CD200R1: variants seen among roughly 807,000 people sequenced by gnomAD.
CD200R1 encodes CD200 receptor 1.
Under a neutral mutation model 38.1 loss-of-function variants are expected in CD200R1, and 30 were observed. The ratio of observed to expected loss-of-function variants is 0.79; its 90% CI spans 0.59 to 1.07. The LOEUF (loss-of-function observed/expected upper bound fraction) is 1.07. Ranked by LOEUF, CD200R1 falls within the 50% of genes least tolerant of loss-of-function variation. The probability of loss-of-function intolerance (pLI) is 0.00; values close to 1 mark genes in which losing one functional copy is unlikely to be tolerated. For missense variants in CD200R1, 372 were observed against 415.4 expected, an observed-to-expected ratio of 0.90 and a Z score of 0.91; for synonymous variants, 128 against 152.1, an observed-to-expected ratio of 0.84 and a Z score of 1.16.
At chr3:112,951,254 C>T (rs1056736303) in intron 1 of CD200R1, among the ~76,000 whole-genome samples, 1 of 151,926 alleles carries the variant, frequency 6.6e-6, no homozygotes, top group African/African-American at 2.4e-5. Flanking sequence ...TAATCAAATT[C>T]AGTAACAGTT....
intron 2 of CD200R1, among the ~76,000 whole-genome samples, chr3:112,947,273 G>T (rs1469244228): frequency 6.6e-6 from 1 of 152,074 alleles, no homozygotes; most frequent in Admixed American, 6.6e-5. Context: ...GCAAACTTTG[G>T]ACTTTGATAA....
In CD200R1 at chr3:112,923,520, A is replaced by T. The variant is rs551033002; in HGVS notation, c.*157T>A. 57 of 454,592 alleles carry T rather than the reference A, an allele frequency of 1.3e-4. No homozygotes were observed. The Middle Eastern group carries it at 1.7e-3, about 14-fold the overall frequency. The allele number at this position is 454,592 out of a possible 1,614,324, so 28.2% of individuals were successfully genotyped here. A position where few individuals can be genotyped will look rare whatever the true frequency, so the allele number is the denominator to read the frequency against. ...CAGCTAAGAATCAAAAATTCCAATTATACAAGGGTATGAATGAGAATCCAT... is the reference window on the plus strand; with the variant it reads ...CAGCTAAGAATCAAAAATTCCAATTTTACAAGGGTATGAATGAGAATCCAT... On this transcript the variant is annotated 3_prime_UTR_variant, in exon 8 of 8. Transcript: ENST00000308611.
intron 1 of CD200R1, among the ~76,000 whole-genome samples, chr3:112,972,824 C>T (rs186327121): frequency 3.3e-5 from 5 of 152,136 alleles, no homozygotes; most frequent in Non-Finnish European, 7.3e-5. Flanking sequence ...TTGTACAAAG[C>T]GAGTTCTTTC....
intron 5 of CD200R1, among the ~76,000 whole-genome samples, chr3:112,926,211 A>G (rs1429950247): frequency 6.6e-6 from 1 of 152,164 alleles, no homozygotes; most frequent in Non-Finnish European, 1.5e-5. Flanking sequence ...CAACCAAGGA[A>G]TTGCCAGCCT....
intron 1 of CD200R1, among the ~76,000 whole-genome samples, chr3:112,969,425 A>G (rs1933246866): frequency 6.6e-6 from 1 of 152,232 alleles, no homozygotes; most frequent in Non-Finnish European, 1.5e-5. Flanking sequence ...AAACTTGGAA[A>G]TTCAAGAAGG....
At chr3:112,925,752 C>G (rs2107300203) in intron 5 of CD200R1, among the ~76,000 whole-genome samples, 1 of 152,092 alleles carries the variant, frequency 6.6e-6, no homozygotes, top group South Asian at 2.1e-4. Context: ...CCTAAAACTG[C>G]TCTAAAAATT....
At chr3:112,936,524 T>C (rs1276441393) in intron 2 of CD200R1, among the ~76,000 whole-genome samples, 2 of 152,202 alleles carry the variant, frequency 1.3e-5, no homozygotes, top group Non-Finnish European at 2.9e-5. Flanking sequence ...TATCTCATTG[T>C]AGTTTTGATT....
Position 112,974,908 on chromosome 3 carries a change from G to A in CD200R1, c.-51C>T. ...CACTCAGTACTTTTCCTCCACACAGGTACAGAAGGAACTGTGCGCATGGTG... is the reference window on the plus strand; with the variant it reads ...CACTCAGTACTTTTCCTCCACACAGATACAGAAGGAACTGTGCGCATGGTG... On this transcript the variant is annotated 5_prime_UTR_variant, in exon 1 of 8. Coordinates refer to ENST00000308611, the MANE Select transcript of CD200R1 (RefSeq NM_138806.4). 1 of 1,397,992 alleles carries A rather than the reference G, an allele frequency of 7.2e-7. No homozygotes were observed. Among genetic ancestry groups the A allele is most frequent in the Non-Finnish European group, 1.0e-6 (1 of 985,130 alleles). 86.6% of individuals were successfully genotyped at this position (1,397,992 alleles called of 1,614,324 possible).
intron 2 of CD200R1, among the ~76,000 whole-genome samples, chr3:112,937,738 G>A (rs114111329): frequency 0.021 from 3,261 of 152,266 alleles, 40 homozygotes; most frequent in South Asian, 0.047. Flanking sequence ...AATGTCAATT[G>A]TAGCTTAATG....
chr3:112,971,118 G>A, intron 1 of CD200R1, among the ~76,000 whole-genome samples: 1 of 152,148 alleles, frequency 6.6e-6, no homozygotes, highest in African/African-American at 2.4e-5. Context: ...GACCCCCAGA[G>A]ATGGCAAAAT....
intron 1 of CD200R1, among the ~76,000 whole-genome samples, chr3:112,973,194 T>C (rs1333091518): frequency 6.6e-6 from 1 of 152,232 alleles, no homozygotes; most frequent in African/African-American, 2.4e-5. Context: ...GCTCCTTGCC[T>C]ATCTGGCTGC....
At chr3:112,940,077 C>A (rs1045640433) in intron 2 of CD200R1, among the ~76,000 whole-genome samples, 3 of 151,750 alleles carry the variant, frequency 2.0e-5, no homozygotes, top group Non-Finnish European at 4.4e-5. Flanking sequence ...GAAAGGACAC[C>A]TTCTTTAATA....
intron 1 of CD200R1, among the ~76,000 whole-genome samples, chr3:112,967,920 A>C (rs554235032): frequency 6.6e-6 from 1 of 152,336 alleles, no homozygotes; most frequent in African/African-American, 2.4e-5. Flanking sequence ...TATTTGCCCC[A>C]TGTATAAAAT....
Position 112,974,842 on chromosome 3 carries a change from T to A in CD200R1, c.16A>T (p.Arg6Ter). 6.2e-7 allele frequency: 1 copy of A among 1,613,498 alleles called. No homozygotes were observed. Among genetic ancestry groups the A allele is most frequent in the Non-Finnish European group, 8.5e-7 (1 of 1,179,604 alleles). MLCPW[R>*]TANLGLLLIL... The stretch of plus-strand genomic sequence containing the variant: ...AACAGTAGCCCTAGGTTAGCAGTTC[T>A]CCAAGGGCAGAGCATTTCTGTTTTC... Residue 6 changes from arginine (R) to a stop codon, truncating the protein, a stop_gained, in exon 1 of 8, where the codon AGA becomes TGA. Coordinates refer to ENST00000308611, the MANE Select transcript of CD200R1 (RefSeq NM_138806.4). LOFTEE classifies it high-confidence loss of function.
At chr3:112,965,726 A>C (rs979928559) in intron 1 of CD200R1, among the ~76,000 whole-genome samples, 1 of 152,102 alleles carries the variant, frequency 6.6e-6, no homozygotes, top group African/African-American at 2.4e-5. Context: ...GCACCACTGC[A>C]CTCGAGCCTG....
intron 5 of CD200R1, 67 bp from the exon 6 acceptor site, chr3:112,925,260 A>C: frequency 1.3e-6 from 1 of 769,452 alleles, no homozygotes; most frequent in Non-Finnish European, 2.2e-6. Flanking sequence ...TTATTATTCA[A>C]TGTTAAAAAG....
intron 7 of CD200R1, 21 bp from the exon 8 acceptor site, chr3:112,923,820 A>G (rs1940222795): frequency 1.4e-6 from 2 of 1,458,764 alleles, no homozygotes; most frequent in African/African-American, 2.9e-5. Flanking sequence ...ACTCAAAGTT[A>G]AAATCAATTC....
chr3:112,936,665 C>T (rs1038153882), intron 2 of CD200R1, among the ~76,000 whole-genome samples: 2 of 151,750 alleles, frequency 1.3e-5, no homozygotes, highest in Non-Finnish European at 2.9e-5. Context: ...TTTTCTTATA[C>T]ATTTGTTTAA....
chr3:112,929,628 T>C, intron 3 of CD200R1, 121 bp from the exon 4 acceptor site: 1 of 861,154 alleles, frequency 1.2e-6, no homozygotes, highest in Non-Finnish European at 1.7e-6. Flanking sequence ...ATTCCAAAAA[T>C]ATTAGACCTT....
Sources: gnomAD v4.1 joint callset for allele counts (sites outside exome capture counted in the v4.1 genomes callset) on GRCh38, gnomAD v4.1.1 for gene constraint, MANE v1.5 for transcripts, NCBI Gene and HGNC (gene_info 2026-07-23, HGNC 2026-07-21) for gene names.